LSM12: variants seen among roughly 807,000 people sequenced by gnomAD.
LSM12 encodes the protein LSM12 homolog, also known as protein LSM12.
For synonymous variants in LSM12, 74 were observed against 87.3 expected (o/e 0.85, Z 0.85); for missense variants, 108 against 238.9 (o/e 0.45, Z 3.61).
chr17:44,039,165 C>T (rs1402641726), intron 3 of LSM12, among the ~76,000 whole-genome samples: 2 of 152,084 alleles, frequency 1.3e-5, no homozygotes, highest in African/African-American at 4.8e-5. Flanking sequence ...AGCGAATCTC[C>T]TGCCTCAGCC....
At chr17:44,052,799 T>C (rs892699629) in intron 2 of LSM12, among the ~76,000 whole-genome samples, 2 of 149,906 alleles carry the variant, frequency 1.3e-5, no homozygotes. Context: ...AATCTATTTA[T>C]ATTTTATATA....
At chr17:44,055,704 A>AATATATAAAATATATATAAAATATATT in intron 2 of LSM12, among the ~76,000 whole-genome samples, 1 of 144,656 alleles carries the variant, frequency 6.9e-6, no homozygotes, top group Non-Finnish European at 1.5e-5. Flanking sequence ...ATATATATAT[A>AATATATAAAATATATATAAAATATATT]ATATATAAAA....
Position 44,057,280 on chromosome 17 carries a change from G to C in LSM12, c.258+6521C>G, listed in dbSNP as rs1457693789. 2.0e-5 allele frequency among the ~76,000 whole-genome samples: 3 copies of C among 150,100 alleles called. 1 individual carries two copies. The highest frequency in any genetic ancestry group is 7.3e-5 in the African/African-American group (3 of 41,078). ...TTCTCCTGCCTCAGCCTCCCAAGTAGCTGGGACTACAGGCACATGCCACCA... is the reference window on the plus strand; with the variant it reads ...TTCTCCTGCCTCAGCCTCCCAAGTACCTGGGACTACAGGCACATGCCACCA... On this transcript the variant is annotated intron_variant, in intron 2 of 4. Transcript: ENST00000293406.
chr17:44,064,260 T>G (rs1420988397), intron 1 of LSM12, among the ~76,000 whole-genome samples: 1 of 152,210 alleles, frequency 6.6e-6, no homozygotes, highest in African/African-American at 2.4e-5. Flanking sequence ...TAATACTCTC[T>G]GTGTCTGCAC....
chr17:44,041,468 T>TA (rs1053090765), intron 2 of LSM12, among the ~76,000 whole-genome samples: 19 of 152,082 alleles, frequency 1.2e-4, no homozygotes, highest in Non-Finnish European at 2.2e-4. Flanking sequence ...TAAAAACTCT[T>TA]ACAGAACATT....
In LSM12 at chr17:44,055,602, A is replaced by G. The variant is rs563672212; in HGVS notation, c.258+8199T>C. ...TGAGGCAAGAGAATTACTTTAGCAC[A>G]GGAGGTAGAGGTTGCAGTGAGCAGA... On this transcript the variant is annotated intron_variant, in intron 2 of 4. Coordinates refer to ENST00000293406, the MANE Select transcript of LSM12 (RefSeq NM_001371445.1). Among the ~76,000 whole-genome samples the G allele has an allele frequency of 2.7e-5, 4 of 149,854 alleles. No homozygotes were observed. The South Asian group carries it at 8.4e-4, about 32-fold the overall frequency.
At chr17:44,058,702 C>T (rs1158608962) in intron 2 of LSM12, among the ~76,000 whole-genome samples, 1 of 152,030 alleles carries the variant, frequency 6.6e-6, no homozygotes, top group Non-Finnish European at 1.5e-5. Context: ...CATGGTGGCG[C>T]ACGCCTGTAA....
chr17:44,044,441 T>C (rs926689682), intron 2 of LSM12, among the ~76,000 whole-genome samples: 6 of 151,880 alleles, frequency 4.0e-5, no homozygotes, highest in Admixed American at 3.3e-4. Flanking sequence ...TCAATTCTAA[T>C]GCAAACATCC....
chr17:44,057,712 C>T (rs1218306884), intron 2 of LSM12, among the ~76,000 whole-genome samples: 1 of 150,748 alleles, frequency 6.6e-6, no homozygotes, highest in Non-Finnish European at 1.5e-5. Flanking sequence ...TGAGCTGAGA[C>T]AGCACTACTG....
At chr17:44,058,786 C>A (rs1466813065) in intron 2 of LSM12, among the ~76,000 whole-genome samples, 2 of 151,918 alleles carry the variant, frequency 1.3e-5, no homozygotes, top group African/African-American at 4.8e-5. Flanking sequence ...GAGCCGAGAT[C>A]ACGGCACCAC....
chr17:44,044,281 T>C (rs1419431159), intron 2 of LSM12, among the ~76,000 whole-genome samples: 1 of 152,182 alleles, frequency 6.6e-6, no homozygotes, highest in Non-Finnish European at 1.5e-5. Flanking sequence ...GAAGTGATTC[T>C]TTAGACAGGC....
chr17:44,048,469 G>A (rs1204168339), intron 2 of LSM12, among the ~76,000 whole-genome samples: 2 of 137,836 alleles, frequency 1.5e-5, no homozygotes, highest in East Asian at 2.1e-4. Context: ...GTGACAGAGA[G>A]AGACTCCATC....
chr17:44,055,135 C>T (rs1200633659), intron 2 of LSM12, among the ~76,000 whole-genome samples: 1 of 152,042 alleles, frequency 6.6e-6, no homozygotes, highest in Non-Finnish European at 1.5e-5. Flanking sequence ...CAGGTGTGAG[C>T]CACTGCACCC....
intron 2 of LSM12, among the ~76,000 whole-genome samples, chr17:44,062,894 G>A (rs2049817591): frequency 1.3e-5 from 2 of 151,176 alleles, no homozygotes; most frequent in South Asian, 4.2e-4. Context: ...GTGACAGTGT[G>A]TGCCTGTCTC....
In LSM12 at chr17:44,036,246, C is replaced by T; in HGVS notation, c.550G>A (p.Ala184Thr). Residue 184 changes from alanine (A) to threonine (T), a missense_variant, in exon 5 of 5, where the codon GCC (alanine) becomes ACC (threonine). By Grantham distance (58) the Ala-to-Thr change is moderately conservative. Transcript: ENST00000293406. ...ESQKILQRSQ[A>T]QQPQKEAALS... Reference sequence around the variant, plus strand: ...GCAGCCTCCTTCTGTGGTTGCTGGGCTTGTGAACGTTGCAGTATCTTTTGG... The same window carrying T: ...GCAGCCTCCTTCTGTGGTTGCTGGGTTTGTGAACGTTGCAGTATCTTTTGG... The T allele has an allele frequency of 1.2e-6, 2 of 1,613,512 alleles. No homozygotes were observed. Among genetic ancestry groups the T allele is most frequent in the Non-Finnish European group, 1.7e-6 (2 of 1,179,918 alleles).
intron 2 of LSM12, among the ~76,000 whole-genome samples, chr17:44,058,098 G>A (rs1318582287): frequency 6.6e-6 from 1 of 151,832 alleles, no homozygotes; most frequent in African/African-American, 2.4e-5. Context: ...TTAGCTGGGC[G>A]TGGTGGTGGG....
intron 2 of LSM12, among the ~76,000 whole-genome samples, chr17:44,043,426 C>T (rs887234352): frequency 6.6e-6 from 1 of 152,188 alleles, no homozygotes; most frequent in African/African-American, 2.4e-5. Context: ...CAGTGGCAAT[C>T]CCAACTGTAA....
intron 1 of LSM12, 143 bp downstream of exon 1, chr17:44,066,321 G>A (rs2049875986): frequency 7.5e-6 from 8 of 1,068,822 alleles, no homozygotes; most frequent in Non-Finnish European, 1.0e-5. Flanking sequence ...GGAGCTCAGG[G>A]CCGTGCGCAT....
rs2049408550 is a variant in LSM12, at chr17:44,035,707, A to AAAAAGG, written c.*495_*500dup. 6.7e-6 allele frequency: 1 copy of AAAAAGG among 148,740 alleles called. No homozygotes were observed. Among genetic ancestry groups the AAAAAGG allele is most frequent in the Admixed American group, 6.7e-5 (1 of 14,890 alleles). 9.2% of individuals were successfully genotyped at this position (148,740 alleles called of 1,614,324 possible). On this transcript the variant is annotated 3_prime_UTR_variant, in exon 5 of 5. Coordinates refer to ENST00000293406, the MANE Select transcript of LSM12 (RefSeq NM_001371445.1). ...AAAAAAAAAAAAAGAAAAAAGAAAA[A>AAAAAGG]AAAAGGAAAAGAAAACAAAAATTTA...
Sources: allele counts gnomAD v4.1 joint callset (sites outside exome capture counted in the v4.1 genomes callset), GRCh38; gene constraint gnomAD v4.1.1; transcripts MANE v1.5; gene names NCBI Gene and HGNC (gene_info 2026-07-23, HGNC 2026-07-21).